The following DNAJB13 variants were observed in gnomAD, a reference collection of about 807,000 sequenced individuals.
DNAJB13 encodes DnaJ heat shock protein family (Hsp40) member B13, also known as dnaJ homolog subfamily B member 13.
Under a neutral mutation model 35.6 loss-of-function variants are expected in DNAJB13, and 22 were observed. That is an observed-to-expected ratio of 0.62 (90% CI 0.44 to 0.88). The LOEUF (loss-of-function observed/expected upper bound fraction) is 0.88, where lower values mean the gene tolerates loss of function less well. Among genes scored for constraint, DNAJB13 ranks in the 40% least tolerant of loss-of-function variants. DNAJB13 has a pLI of 0.00. For synonymous variants in DNAJB13, 136 were observed against 144.2 expected (o/e 0.94, Z 0.41); for missense variants, 370 against 384.3 (o/e 0.96, Z 0.31).
chr11:73,963,698 C>G (rs1645222555), intron 3 of DNAJB13: 1 of 152,248 alleles, frequency 6.6e-6, no homozygotes, highest in Non-Finnish European at 1.5e-5. Flanking sequence ...ATTCAGGCCT[C>G]TTGATTGCCC....
chr11:73,959,726 T>C, intron 3 of DNAJB13, 71 bp downstream of exon 3: 1 of 1,378,800 alleles, frequency 7.3e-7, no homozygotes, highest in Non-Finnish European at 9.6e-7. Context: ...TTTCGTTGAG[T>C]AGTTTTGTTT....
chr11:73,959,620 T>C lies in DNAJB13; in HGVS notation c.299T>C (p.Phe100Ser). Residue 100 changes from phenylalanine to serine, a missense_variant, in exon 3 of 8, where the codon TTC becomes TCC. Coordinates refer to ENST00000339764, the MANE Select transcript of DNAJB13 (RefSeq NM_153614.4). ...TTCCATGGCAAACCTGAAAAGGTGT[T>C]CCACGAGTTCTTTGGTGGAAACAAC... ...YVFHGKPEKV[F>S]HEFFGGNNPF... The C allele has an allele frequency of 6.2e-7, 1 of 1,614,198 alleles. No individual in the cohort carries two copies. The highest frequency in any genetic ancestry group is 1.3e-5 in the African/African-American group (1 of 75,066).
chr11:73,954,376 A>G (rs1437814617), intron 1 of DNAJB13, among the ~76,000 whole-genome samples: 3 of 151,498 alleles, frequency 2.0e-5, no homozygotes, highest in African/African-American at 7.3e-5. Context: ...CACACCTGTA[A>G]TCCCAGCACT....
In DNAJB13 at chr11:73,968,378, A is replaced by T; in HGVS notation, c.640A>T (p.Ile214Phe). The T allele has an allele frequency of 6.2e-7, 1 of 1,614,096 alleles. No individual in the cohort carries two copies. Among genetic ancestry groups the T allele is most frequent in the Non-Finnish European group, 8.5e-7 (1 of 1,180,004 alleles). ...CATCATCCCAGCAGACATCATTTTC[A>T]TCGTAAAGGAGAAGCTACACCCTCG... ...PNIIPADIIF[I>F]VKEKLHPRFR... The change falls in exon 6 of 8, where the codon ATC (isoleucine) becomes TTC (phenylalanine). Residue 214 changes from isoleucine (I) to phenylalanine (F), a missense_variant. Physicochemically the swap from Ile to Phe is conservative, Grantham distance 21. Coordinates refer to ENST00000339764, the MANE Select transcript of DNAJB13 (RefSeq NM_153614.4).
intron 1 of DNAJB13, among the ~76,000 whole-genome samples, chr11:73,953,874 G>C (rs902207360): frequency 3.3e-5 from 5 of 151,840 alleles, no homozygotes; most frequent in Admixed American, 6.6e-5. Flanking sequence ...TGTAGTCCCA[G>C]CTACTCGGGA....
At chr11:73,953,604 T>G (rs1950641344) in intron 1 of DNAJB13, among the ~76,000 whole-genome samples, 1 of 152,190 alleles carries the variant, frequency 6.6e-6, no homozygotes, top group Non-Finnish European at 1.5e-5. Context: ...CTATACAATG[T>G]CTGGAATCTA....
Position 73,951,090 on chromosome 11 carries a change from T to G in DNAJB13, c.21T>G (p.Ser7=), listed in dbSNP as rs752063049. 1.1e-5 allele frequency: 18 copies of G among 1,614,010 alleles called. No individual in the cohort carries two copies. The Admixed American group carries it at 1.2e-4, about 10-fold the overall frequency. The part of the protein sequence containing the change: MGQDYY[S]VLGITRNSED... Reference sequence around the variant, plus strand: ...CAGCCATGGGCCAGGATTATTACTCTGTGCTCGGGATCACTCGCAATTCAG... The same window carrying G: ...CAGCCATGGGCCAGGATTATTACTCGGTGCTCGGGATCACTCGCAATTCAG... The change falls in exon 1 of 8, where the codon TCT becomes TCG. Residue 7 remains serine (S), a synonymous_variant. Coordinates refer to ENST00000339764, the MANE Select transcript of DNAJB13 (RefSeq NM_153614.4).
chr11:73,955,332 G>A (rs1459560506), intron 1 of DNAJB13, among the ~76,000 whole-genome samples: 5 of 142,770 alleles, frequency 3.5e-5, no homozygotes, highest in South Asian at 2.2e-4. Flanking sequence ...TTTTTGAAAC[G>A]GAGTCTCTCT....
chr11:73,954,788 T>C (rs1036167099), intron 1 of DNAJB13, among the ~76,000 whole-genome samples: 5 of 150,968 alleles, frequency 3.3e-5, no homozygotes, highest in Admixed American at 3.3e-4. Flanking sequence ...AAACCCTGTC[T>C]CTACTAAAAA....
In DNAJB13 at chr11:73,952,209, C is replaced by T. The variant is rs75375977; in HGVS notation, c.68+1072C>T. ...GAGAGAGACCCTTTAGGAGGCTGTT[C>T]GTGGTAATCAAGGCAAAAGATGAGG... is the stretch of plus-strand genomic sequence containing the variant. On this transcript the variant is annotated intron_variant, in intron 1 of 7. Transcript: ENST00000339764. 7.1e-3 allele frequency among the ~76,000 whole-genome samples: 1,074 copies of T among 152,060 alleles called. 15 individuals carry two copies. Among genetic ancestry groups the T allele is most frequent in the African/African-American group, 0.024 (980 of 41,450 alleles).
intron 3 of DNAJB13, 41 bp downstream of exon 3, chr11:73,959,696 G>A (rs761391598): frequency 7.6e-6 from 12 of 1,584,948 alleles, no homozygotes; most frequent in Non-Finnish European, 9.5e-6. Flanking sequence ...ATAGAGAAAG[G>A]ACACTGCTAT....
intron 3 of DNAJB13, among the ~76,000 whole-genome samples, chr11:73,961,310 A>G (rs1331405960): frequency 6.6e-6 from 1 of 152,118 alleles, no homozygotes; most frequent in Non-Finnish European, 1.5e-5. Context: ...TAAAGAAATA[A>G]TCATTGAAAG....
intron 1 of DNAJB13, among the ~76,000 whole-genome samples, chr11:73,956,247 A>T (rs1950738066): frequency 6.6e-6 from 1 of 152,178 alleles, no homozygotes; most frequent in African/African-American, 2.4e-5. Flanking sequence ...AAAGGAGGCT[A>T]ACAATCAGGG....
At chr11:73,957,255 A>G (rs764250610) in intron 1 of DNAJB13, among the ~76,000 whole-genome samples, 3 of 152,114 alleles carry the variant, frequency 2.0e-5, no homozygotes, top group African/African-American at 4.8e-5. Context: ...TTCTCCTCCT[A>G]TGGGGTCTCT....
intron 1 of DNAJB13, among the ~76,000 whole-genome samples, chr11:73,955,307 CTTTT>C (rs570240877): frequency 4.5e-5 from 6 of 134,794 alleles, no homozygotes; most frequent in African/African-American, 5.5e-5. Flanking sequence ...AACCTTGTTA[CTTTT>C]TTTTTTTTTT....
At chr11:73,963,466 T>C (rs1950991279) in intron 3 of DNAJB13, among the ~76,000 whole-genome samples, 2 of 152,134 alleles carry the variant, frequency 1.3e-5, no homozygotes, top group Non-Finnish European at 2.9e-5. Context: ...CTACAGGGCA[T>C]CGCTCATTGG....
chr11:73,951,836 G>A (rs1950593439), intron 1 of DNAJB13, among the ~76,000 whole-genome samples: 1 of 152,124 alleles, frequency 6.6e-6, no homozygotes, highest in African/African-American at 2.4e-5. Flanking sequence ...AGTAGAGATG[G>A]GGTTTCTCCT....
chr11:73,961,503 G>C (rs1159856963), intron 3 of DNAJB13, among the ~76,000 whole-genome samples: 1 of 152,188 alleles, frequency 6.6e-6, no homozygotes, highest in African/African-American at 2.4e-5. Flanking sequence ...ACTTGCCTCT[G>C]ACAGGCATGA....
chr11:73,951,798 C>G lies in DNAJB13; in HGVS notation c.68+661C>G, dbSNP rs191981143. ...AGTAGCTGGGATTACAGGCATGCAC[C>G]ACCATGCCCAGCTAATTTTGTATTT... On this transcript the variant is annotated intron_variant, in intron 1 of 7. Coordinates refer to ENST00000339764, the MANE Select transcript of DNAJB13 (RefSeq NM_153614.4). 2.9e-3 allele frequency among the ~76,000 whole-genome samples: 445 copies of G among 152,246 alleles called. 2 individuals carry two copies. Among genetic ancestry groups the G allele is most frequent in the African/African-American group, 9.4e-3 (390 of 41,550 alleles).
Sources: allele counts gnomAD v4.1 joint callset (sites outside exome capture counted in the v4.1 genomes callset), GRCh38; gene constraint gnomAD v4.1.1; transcripts MANE v1.5; gene names NCBI Gene and HGNC (gene_info 2026-07-23, HGNC 2026-07-21).